Variants in ADGRL2 observed in about 807,000 individuals in gnomAD.
ADGRL2 encodes adhesion G protein-coupled receptor L2, also known as calcium-independent alpha-latrotoxin receptor 2.
A neutral mutation model predicts 157.4 loss-of-function variants in ADGRL2; 44 were observed. The ratio of observed to expected loss-of-function variants is 0.28; its 90% CI spans 0.22 to 0.36. ADGRL2 has a LOEUF of 0.36. Ranked by LOEUF, ADGRL2 falls within the 10% of genes least tolerant of loss-of-function variation. The pLI is 1.00. For missense variants in ADGRL2, 1,510 were observed against 1,768.9 expected, an observed-to-expected ratio of 0.85 and a Z score of 2.63; for synonymous variants, 585 against 624.7, an observed-to-expected ratio of 0.94 and a Z score of 0.95.
At chr1:81,424,726 T>C (rs1429902988) in intron 1 of ADGRL2, among the ~76,000 whole-genome samples, 2 of 152,344 alleles carry the variant, frequency 1.3e-5, no homozygotes, top group Non-Finnish European at 2.9e-5. Flanking sequence ...TCCTGACTTT[T>C]TTTAAACCAC....
chr1:81,956,828 A>G (rs1175685496), intron 11 of ADGRL2, among the ~76,000 whole-genome samples: 1 of 152,194 alleles, frequency 6.6e-6, no homozygotes, highest in Non-Finnish European at 1.5e-5. Flanking sequence ...CTACTCTTCC[A>G]CCAGAAGCAG....
At chr1:81,765,267 A>G (rs1161916727) in intron 2 of ADGRL2, among the ~76,000 whole-genome samples, 1 of 152,016 alleles carries the variant, frequency 6.6e-6, no homozygotes, top group Non-Finnish European at 1.5e-5. Context: ...AAATGTTTAA[A>G]TATATAATTT....
intron 3 of ADGRL2, among the ~76,000 whole-genome samples, chr1:81,608,951 G>T (rs2081487632): frequency 6.6e-6 from 1 of 152,144 alleles, no homozygotes; most frequent in African/African-American, 2.4e-5. Flanking sequence ...GATCACCAAA[G>T]CCCTCTGCTC....
intron 17 of ADGRL2, among the ~76,000 whole-genome samples, chr1:81,973,441 A>T (rs2149357987): frequency 6.6e-6 from 1 of 152,304 alleles, no homozygotes; most frequent in East Asian, 1.9e-4. Context: ...AAGTTGCAAA[A>T]ATGTAAAGAC....
intron 3 of ADGRL2, among the ~76,000 whole-genome samples, chr1:81,607,325 G>T (rs149545233): frequency 6.6e-6 from 1 of 152,128 alleles, no homozygotes; most frequent in East Asian, 1.9e-4. Context: ...GGGACTTACC[G>T]GTGAATGAAA....
upstream of ADGRL2, among the ~76,000 whole-genome samples, chr1:81,798,235 T>C (rs9727711): frequency 2.1e-4 from 32 of 151,966 alleles, no homozygotes; most frequent in African/African-American, 7.5e-4. Flanking sequence ...TTTTTGAATG[T>C]AGATATACTC....
At chr1:81,660,511 T>A (rs546381290) in intron 3 of ADGRL2, among the ~76,000 whole-genome samples, 2 of 152,214 alleles carry the variant, frequency 1.3e-5, no homozygotes, top group African/African-American at 4.8e-5. Context: ...AATAGAAGAT[T>A]TGCACAGAGC....
intron 2 of ADGRL2, among the ~76,000 whole-genome samples, chr1:81,892,686 A>G (rs1189292272): frequency 1.3e-5 from 2 of 152,306 alleles, no homozygotes; most frequent in Non-Finnish European, 2.9e-5. Context: ...GGTGTTGTAT[A>G]GATATTTATA....
At chr1:81,546,562 C>T (rs1022757772) in intron 2 of ADGRL2, among the ~76,000 whole-genome samples, 9 of 152,120 alleles carry the variant, frequency 5.9e-5, no homozygotes, top group Non-Finnish European at 4.4e-5. Context: ...CAAGAAATGG[C>T]GCTTATTTCT....
chr1:81,610,377 G>T (rs1399009199), intron 3 of ADGRL2, among the ~76,000 whole-genome samples: 1 of 152,062 alleles, frequency 6.6e-6, no homozygotes. Context: ...GTAAAAGGAA[G>T]TGCAGAGGTT....
chr1:81,950,225 A>C lies in ADGRL2; in HGVS notation c.1247A>C (p.Glu416Ala). 6.2e-7 allele frequency: 1 copy of C among 1,614,008 alleles called. No individual in the cohort carries two copies. The highest frequency in any genetic ancestry group is 8.5e-7 in the Non-Finnish European group (1 of 1,179,928). The change falls in exon 7 of 24, where the codon GAG becomes GCG. Residue 416 changes from glutamate to alanine, a missense_variant. Physicochemically the swap from Glu to Ala is moderately radical, Grantham distance 107. Coordinates refer to ENST00000686636, the MANE Select transcript of ADGRL2 (RefSeq NM_001366006.2). ...GCTGTGACAATAACTTCTTCAGCTG[A>C]GCTGTTCAAAACCATAATATCAACC... ...TTAVTITSSAELFKTIISTTS... is the reference protein window; with the variant it reads ...TTAVTITSSAALFKTIISTTS...
intron 1 of ADGRL2, chr1:81,721,974 G>A: frequency 1.7e-6 from 1 of 578,916 alleles, no homozygotes; most frequent in South Asian, 1.5e-5. Context: ...AGACACTGAT[G>A]CCCTTTAAGA....
intron 22 of ADGRL2, 192 bp downstream of exon 22, chr1:81,987,221 T>C: frequency 5.1e-6 from 7 of 1,383,802 alleles, no homozygotes; most frequent in Non-Finnish European, 7.1e-6. Context: ...AGCTCAGTCA[T>C]GATAGTATTT....
intron 3 of ADGRL2, among the ~76,000 whole-genome samples, chr1:81,612,635 T>A (rs1307840026): frequency 6.6e-6 from 1 of 152,000 alleles, no homozygotes; most frequent in Non-Finnish European, 1.5e-5. Flanking sequence ...TGTGGAACCC[T>A]ATGGATATAG....
At chr1:81,937,106 C>A (rs386783) in intron 4 of ADGRL2, among the ~76,000 whole-genome samples, 1 of 151,796 alleles carries the variant, frequency 6.6e-6, no homozygotes, top group African/African-American at 2.4e-5. Flanking sequence ...CTATTCAATA[C>A]GGCTGATAGA....
intron 2 of ADGRL2, chr1:81,505,139 G>A (rs1244821120): frequency 3.3e-5 from 15 of 450,708 alleles, no homozygotes; most frequent in Non-Finnish European, 5.9e-5. Context: ...AGCCCGGTAA[G>A]CTGCAGCTCT....
rs2087460765 is a variant in ADGRL2, at chr1:81,793,766, T to G, written c.-101+31914T>G. Reference sequence around the variant, plus strand: ...CACCTGCATAAAATATTTTGATTTATACATATATCAAGTTTAAAATCGTTT... The same window carrying G: ...CACCTGCATAAAATATTTTGATTTAGACATATATCAAGTTTAAAATCGTTT... On this transcript the variant is annotated intron_variant, in intron 2 of 20. Transcript: ENST00000359929. Among the ~76,000 whole-genome samples the G allele has an allele frequency of 2.0e-5, 3 of 152,136 alleles. No homozygotes were observed. In the South Asian group the frequency reaches 6.2e-4, roughly 31 times the overall value.
At chr1:81,542,444 T>A (rs2079908135) in intron 2 of ADGRL2, among the ~76,000 whole-genome samples, 1 of 152,224 alleles carries the variant, frequency 6.6e-6, no homozygotes, top group African/African-American at 2.4e-5. Flanking sequence ...GGCATGCTTC[T>A]GAACATTCTT....
intron 1 of ADGRL2, among the ~76,000 whole-genome samples, chr1:81,761,444 A>G (rs553571614): frequency 4.6e-5 from 7 of 152,018 alleles, no homozygotes; most frequent in Non-Finnish European, 1.0e-4. Context: ...TGAGAAAACC[A>G]TATTTTCCCT....
Sources: allele counts gnomAD v4.1 joint callset (sites outside exome capture counted in the v4.1 genomes callset), GRCh38; gene constraint gnomAD v4.1.1; transcripts MANE v1.5; gene names NCBI Gene and HGNC (gene_info 2026-07-23, HGNC 2026-07-21).